The following GAB1 variants were observed in gnomAD, a reference collection of about 807,000 sequenced individuals.
GAB1 encodes the protein GRB2-associated-binding protein 1.
A neutral mutation model predicts 66.5 loss-of-function variants in GAB1; 19 were observed. The ratio of observed to expected loss-of-function variants is 0.29; its 90% CI spans 0.20 to 0.42. The LOEUF (loss-of-function observed/expected upper bound fraction) is 0.42. Among genes scored for constraint, GAB1 ranks in the 10% least tolerant of loss-of-function variants. GAB1 has a pLI of 1.00. For synonymous variants in GAB1, 294 were observed against 301.4 expected (o/e 0.98, Z 0.25); for missense variants, 732 against 858.5 (o/e 0.85, Z 1.84).
At chr4:143,440,921 C>A (rs1734194234) in intron 6 of GAB1, among the ~76,000 whole-genome samples, 1 of 152,200 alleles carries the variant, frequency 6.6e-6, no homozygotes, top group Admixed American at 6.5e-5. Context: ...TATTTAGTAA[C>A]CTCTTCTCCA....
chr4:143,361,679 A>G (rs1012420394), intron 1 of GAB1, among the ~76,000 whole-genome samples: 3 of 152,100 alleles, frequency 2.0e-5, no homozygotes, highest in African/African-American at 7.2e-5. Flanking sequence ...CACCACCAGC[A>G]CAGTCACACG....
chr4:143,400,766 A>G (rs1181361598), intron 1 of GAB1, among the ~76,000 whole-genome samples: 10 of 152,094 alleles, frequency 6.6e-5, no homozygotes, highest in Admixed American at 5.9e-4. Flanking sequence ...TCGGGAGTTC[A>G]AGAGCAGCCT....
At chr4:143,347,357 A>G (rs566313974) in intron 1 of GAB1, among the ~76,000 whole-genome samples, 3 of 152,302 alleles carry the variant, frequency 2.0e-5, no homozygotes, top group South Asian at 4.1e-4. Context: ...TTTACTTTCT[A>G]TGATTTGCAT....
chr4:143,369,768 G>T (rs1342739554), intron 1 of GAB1, among the ~76,000 whole-genome samples: 1 of 152,256 alleles, frequency 6.6e-6, no homozygotes, highest in Non-Finnish European at 1.5e-5. Context: ...GGCACAGGAA[G>T]TCAAGCTGCC....
chr4:143,373,822 CCTCTCTCTCTCTCTCTCT>C (rs3049718), intron 1 of GAB1, among the ~76,000 whole-genome samples: 1 of 97,842 alleles, frequency 1.0e-5, no homozygotes, highest in Non-Finnish European at 2.0e-5. Context: ...GGAGTGAAAC[CCTCTCTCTCTCTCTCTCT>C]CTCTCTCTCT....
intron 6 of GAB1, among the ~76,000 whole-genome samples, chr4:143,448,735 A>T (rs1399143673): frequency 1.3e-5 from 2 of 151,706 alleles, no homozygotes; most frequent in Non-Finnish European, 2.9e-5. Flanking sequence ...TCCTTTCAAA[A>T]AACCAGCTCC....
intron 1 of GAB1, among the ~76,000 whole-genome samples, chr4:143,392,082 A>G (rs1165063891): frequency 2.6e-5 from 4 of 152,214 alleles, no homozygotes; most frequent in Admixed American, 1.3e-4. Flanking sequence ...TAATGCTCAG[A>G]TGTTTGATAA....
In GAB1 at chr4:143,472,466, T is replaced by C. The variant is rs1386959921; in HGVS notation, c.*3277T>C. On this transcript the variant is annotated 3_prime_UTR_variant, in exon 10 of 10. Coordinates refer to ENST00000262994, the MANE Select transcript of GAB1 (RefSeq NM_002039.4). ...ACCAGTGTTTTTCTTTTTCTACTTA[T>C]GGGAAGTTGTCTGCTTCCCCCTTTA... 1 of 152,196 alleles carries C rather than the reference T, an allele frequency of 6.6e-6. No homozygotes were observed. The highest frequency in any genetic ancestry group is 2.4e-5 in the African/African-American group (1 of 41,454). The allele number at this position is 152,196 out of a possible 1,614,324, so 9.4% of individuals were successfully genotyped here. A position where few individuals can be genotyped will look rare whatever the true frequency, so the allele number is the denominator to read the frequency against.
chr4:143,453,471 T>A (rs1735027079), intron 6 of GAB1, among the ~76,000 whole-genome samples: 2 of 152,176 alleles, frequency 1.3e-5, no homozygotes, highest in Non-Finnish European at 2.9e-5. Context: ...TTGGAACATG[T>A]GACATCTTTA....
chr4:143,344,493 C>A (rs1198556426), intron 1 of GAB1, among the ~76,000 whole-genome samples: 1 of 152,222 alleles, frequency 6.6e-6, no homozygotes, highest in African/African-American at 2.4e-5. Context: ...AGTCACAGTT[C>A]TCTTTATTCT....
chr4:143,422,304 A>G, intron 2 of GAB1, among the ~76,000 whole-genome samples: 1 of 152,204 alleles, frequency 6.6e-6, no homozygotes, highest in East Asian at 1.9e-4. Context: ...TTTAATTGTG[A>G]ACATAAAGGT....
At chr4:143,396,741 G>T (rs1033425224) in intron 1 of GAB1, among the ~76,000 whole-genome samples, 2 of 152,178 alleles carry the variant, frequency 1.3e-5, no homozygotes, top group Non-Finnish European at 2.9e-5. Flanking sequence ...GGTATTATGG[G>T]CTGGTTTACA....
intron 1 of GAB1, chr4:143,349,160 C>T (rs1337091164): frequency 2.3e-6 from 1 of 429,940 alleles, no homozygotes; most frequent in Non-Finnish European, 4.1e-6. Flanking sequence ...CTTCATAGGT[C>T]CCCCCCTTCC....
At chr4:143,423,764 A>G (rs1733151978) in intron 2 of GAB1, among the ~76,000 whole-genome samples, 1 of 135,090 alleles carries the variant, frequency 7.4e-6, no homozygotes, top group African/African-American at 2.7e-5. Flanking sequence ...CAACAAAGCG[A>G]GACTCCATCT....
rs551355495 is a variant in GAB1 at position 143,349,597 on chromosome 4, C to T, written c.72+12337C>T. On this transcript the variant is annotated intron_variant, in intron 1 of 9. Coordinates refer to ENST00000262994, the MANE Select transcript of GAB1 (RefSeq NM_002039.4). ...GAGGTGCACCAGCACAGAGCCGCAG[C>T]GGCCTGTCACCTTGCAAGGGACGGT... 2.5e-5 allele frequency: 37 copies of T among 1,484,398 alleles called. No individual in the cohort carries two copies. The South Asian group carries it at 3.1e-4, about 12-fold the overall frequency. The allele number at this position is 1,484,398 out of a possible 1,614,324, so 92.0% of individuals were successfully genotyped here.
chr4:143,339,244 T>C (rs1728752390), intron 1 of GAB1, among the ~76,000 whole-genome samples: 1 of 152,230 alleles, frequency 6.6e-6, no homozygotes, highest in Non-Finnish European at 1.5e-5. Flanking sequence ...CTAAAGGTCC[T>C]TCAGGCTCAC....
At chr4:143,449,720 C>T (rs1028940529) in intron 6 of GAB1, among the ~76,000 whole-genome samples, 3 of 152,164 alleles carry the variant, frequency 2.0e-5, no homozygotes, top group Non-Finnish European at 4.4e-5. Context: ...ATACAGCACA[C>T]TGATGGGTCT....
intron 1 of GAB1, among the ~76,000 whole-genome samples, chr4:143,392,490 C>T (rs1415569188): frequency 1.3e-5 from 2 of 152,072 alleles, no homozygotes; most frequent in African/African-American, 4.8e-5. Flanking sequence ...TGGTAAGATA[C>T]ATGAAACCTA....
intron 6 of GAB1, among the ~76,000 whole-genome samples, chr4:143,453,466 A>C (rs751293028): frequency 2.6e-5 from 4 of 152,206 alleles, no homozygotes; most frequent in Non-Finnish European, 4.4e-5. Context: ...TCTCCTTGGA[A>C]CATGTGACAT....
Sources: allele counts gnomAD v4.1 joint callset (sites outside exome capture counted in the v4.1 genomes callset), GRCh38; gene constraint gnomAD v4.1.1; transcripts MANE v1.5; gene names NCBI Gene and HGNC (gene_info 2026-07-23, HGNC 2026-07-21).